The following TFG variants were observed in gnomAD, a reference collection of about 807,000 sequenced individuals.
TFG encodes trafficking from ER to golgi regulator, also known as protein TFG.
A neutral mutation model predicts 51.4 loss-of-function variants in TFG; 22 were observed. The ratio of observed to expected loss-of-function variants is 0.43; its 90% CI spans 0.31 to 0.61. The LOEUF (loss-of-function observed/expected upper bound fraction) is 0.61. TFG is among the 20% of genes least tolerant of loss of function. The probability of loss-of-function intolerance (pLI) is 0.12; values close to 1 mark genes in which losing one functional copy is unlikely to be tolerated. For missense variants in TFG, 419 were observed against 487.7 expected, an observed-to-expected ratio of 0.86 and a Z score of 1.33; for synonymous variants, 187 against 165.6, an observed-to-expected ratio of 1.13 and a Z score of -0.99.
intron 4 of TFG, among the ~76,000 whole-genome samples, chr3:100,732,032 AGTG>A (rs903552543): frequency 2.7e-4 from 41 of 152,326 alleles, no homozygotes; most frequent in African/African-American, 9.6e-4. Flanking sequence ...GTAATTTAAT[AGTG>A]GACCAGTAGA....
At chr3:100,731,379 A>G (rs1183851694) in intron 4 of TFG, among the ~76,000 whole-genome samples, 1 of 152,208 alleles carries the variant, frequency 6.6e-6, no homozygotes, top group Non-Finnish European at 1.5e-5. Flanking sequence ...TGCCTGTGGA[A>G]TATCTTAGTA....
At chr3:100,715,003 G>A (rs16842638) in intron 2 of TFG, among the ~76,000 whole-genome samples, 2 of 152,074 alleles carry the variant, frequency 1.3e-5, no homozygotes, top group African/African-American at 4.8e-5. Context: ...TTTTTACTGT[G>A]GAACTTACTT....
chr3:100,721,181 CCTTA>C (rs1429926252), intron 3 of TFG, among the ~76,000 whole-genome samples: 5 of 151,846 alleles, frequency 3.3e-5, no homozygotes, highest in Non-Finnish European at 7.4e-5. Context: ...ATCTGAAGAC[CCTTA>C]CTTTAAACAG....
intron 7 of TFG, among the ~76,000 whole-genome samples, chr3:100,746,939 T>A (rs995146839): frequency 6.6e-6 from 1 of 152,240 alleles, no homozygotes; most frequent in East Asian, 1.9e-4. Flanking sequence ...GAATTTTTTA[T>A]GAGTTGGTTT....
intron 3 of TFG, among the ~76,000 whole-genome samples, chr3:100,726,652 T>C (rs937057023): frequency 6.6e-6 from 1 of 152,202 alleles, no homozygotes; most frequent in Non-Finnish European, 1.5e-5. Flanking sequence ...ATCAGTGTGC[T>C]CCAAAGACCA....
At chr3:100,742,094 TGAA>T (rs1443612935) in intron 6 of TFG, among the ~76,000 whole-genome samples, 1 of 152,228 alleles carries the variant, frequency 6.6e-6, no homozygotes, top group African/African-American at 2.4e-5. Flanking sequence ...CTCAAGTATG[TGAA>T]GAAGTTCATC....
At chr3:100,709,330 C>G (rs1210498937), upstream of TFG, 1 of 152,296 alleles carries the variant, frequency 6.6e-6, no homozygotes, top group Non-Finnish European at 1.5e-5. Flanking sequence ...GCAGCTCACG[C>G]TTCCTAAATC....
intron 5 of TFG, among the ~76,000 whole-genome samples, chr3:100,734,385 T>G (rs930526108): frequency 3.9e-5 from 6 of 151,946 alleles, no homozygotes; most frequent in African/African-American, 1.5e-4. Context: ...TTGGACAGAG[T>G]GTATATACCT....
At position 100,713,708 on chromosome 3, in the gene TFG, G is replaced by A; in HGVS notation, c.23G>A (p.Ser8Asn). The A allele has an allele frequency of 6.2e-7, 1 of 1,607,882 alleles. No homozygotes were observed. Among genetic ancestry groups the A allele is most frequent in the Non-Finnish European group, 8.5e-7 (1 of 1,176,008 alleles). The change falls in exon 2 of 8, where the codon AGT (serine) becomes AAT (asparagine). Residue 8 changes from serine to asparagine, a missense_variant. By Grantham distance (46) the Ser-to-Asn change is conservative. Around this residue, in one of 3 missense-constraint regions of TFG, gnomAD observed 22 missense variants for 27.5 expected, o/e 0.80. Transcript: ENST00000240851. Reference sequence around the variant, plus strand: ...ACCATGAACGGACAGTTGGATCTAAGTGGGAAGCTAATCATCAAAGCTCAA... The same window carrying A: ...ACCATGAACGGACAGTTGGATCTAAATGGGAAGCTAATCATCAAAGCTCAA... MNGQLDL[S>N]GKLIIKAQLG...
At chr3:100,713,191 T>C (rs1281326680) in intron 1 of TFG, among the ~76,000 whole-genome samples, 1 of 152,176 alleles carries the variant, frequency 6.6e-6, no homozygotes, top group Non-Finnish European at 1.5e-5. Context: ...TTGATAGCAG[T>C]GAAGGTGCTG....
intron 4 of TFG, 144 bp downstream of exon 4, chr3:100,729,002 T>G: frequency 1.5e-6 from 1 of 683,346 alleles, no homozygotes; most frequent in Non-Finnish European, 2.3e-6. Flanking sequence ...TATTTATGTC[T>G]GTGTTCCTAA....
At chr3:100,725,012 T>G (rs985069441) in intron 3 of TFG, among the ~76,000 whole-genome samples, 7 of 152,164 alleles carry the variant, frequency 4.6e-5, no homozygotes, top group Admixed American at 1.3e-4. Context: ...CACCCCATTC[T>G]CCCATCTCAG....
At chr3:100,715,154 A>G (rs1029089081) in intron 2 of TFG, among the ~76,000 whole-genome samples, 6 of 152,202 alleles carry the variant, frequency 3.9e-5, no homozygotes, top group African/African-American at 1.4e-4. Flanking sequence ...TGTCTGTGTT[A>G]GGGTTGGGCT....
intron 6 of TFG, chr3:100,744,482 T>C (rs1051658802): frequency 5.8e-6 from 1 of 172,970 alleles, no homozygotes; most frequent in African/African-American, 2.4e-5. Context: ...TTCTCATTTT[T>C]ATTTACTGAT....
At chr3:100,737,127 C>T (rs2095108754) in intron 6 of TFG, among the ~76,000 whole-genome samples, 1 of 152,092 alleles carries the variant, frequency 6.6e-6, no homozygotes, top group Non-Finnish European at 1.5e-5. Context: ...TAAAGGATAA[C>T]TTTAGTTGTA....
intron 7 of TFG, among the ~76,000 whole-genome samples, chr3:100,747,003 A>G (rs573783786): frequency 1.3e-5 from 2 of 152,322 alleles, no homozygotes; most frequent in Admixed American, 1.3e-4. Context: ...TACTTGATTT[A>G]CTTATTAAGA....
chr3:100,721,458 G>C (rs114425837), intron 3 of TFG, among the ~76,000 whole-genome samples: 10 of 152,224 alleles, frequency 6.6e-5, no homozygotes, highest in African/African-American at 2.4e-4. Flanking sequence ...GAATATTTTA[G>C]AAAAGTCTAC....
rs1302595388 is a variant in TFG, at chr3:100,742,287, T to TCTA, written c.722-2544_722-2542dup. ...TGAGATGACGTATGAGGAAATCAGT[T>TCTA]CTACCATAGGCTAATTGATATGAGT... is the stretch of plus-strand genomic sequence containing the variant. On this transcript the variant is annotated intron_variant, in intron 6 of 7. Coordinates refer to ENST00000240851, the MANE Select transcript of TFG (RefSeq NM_006070.6). Among the ~76,000 whole-genome samples the TCTA allele has an allele frequency of 2.0e-5, 3 of 152,148 alleles. No homozygotes were observed. The East Asian group carries it at 5.8e-4, about 29-fold the overall frequency.
rs9830473 is a variant in TFG, at chr3:100,723,845, C to G, written c.268+3787C>G. 6.9e-3 allele frequency among the ~76,000 whole-genome samples: 1,009 copies of G among 146,726 alleles called. 10 individuals carry two copies. Among genetic ancestry groups the G allele is most frequent in the African/African-American group, 0.023 (914 of 39,988 alleles). ...GGAGAAATACAGTTTTTTTTTTTTT[C>G]GAGTACTCATAGTGCATTATAGAAG... On this transcript the variant is annotated intron_variant, in intron 3 of 7. Coordinates refer to ENST00000240851, the MANE Select transcript of TFG (RefSeq NM_006070.6).
Sources: allele counts gnomAD v4.1 joint callset (sites outside exome capture counted in the v4.1 genomes callset), GRCh38; gene constraint gnomAD v4.1.1; regional missense constraint gnomAD v4.1.1; transcripts MANE v1.5; gene names NCBI Gene and HGNC (gene_info 2026-07-23, HGNC 2026-07-21).